Variants in EML6 observed in about 807,000 individuals in gnomAD.
EML6 encodes the protein EMAP like 6.
A neutral mutation model predicts 240.1 loss-of-function variants in EML6; 154 were observed. That is an observed-to-expected ratio of 0.64 (90% confidence interval 0.56 to 0.73). EML6 has a LOEUF of 0.73. Among genes scored for constraint, EML6 ranks in the 30% least tolerant of loss-of-function variants. EML6 has a pLI of 0.00. For synonymous variants in EML6, 1,148 were observed against 899.0 expected (o/e 1.28, Z -4.95); for missense variants, 2,964 against 2,474.6 (o/e 1.20, Z -4.20).
At chr2:54,796,375 A>T (rs899395995) in intron 2 of EML6, among the ~76,000 whole-genome samples, 2 of 152,208 alleles carry the variant, frequency 1.3e-5, no homozygotes, top group Non-Finnish European at 2.9e-5. Context: ...TCTTCAGAGA[A>T]TCCATTTCTT....
At chr2:54,853,926 T>A (rs1670230675) in intron 11 of EML6, 71 bp downstream of exon 11, 1 of 925,036 alleles carries the variant, frequency 1.1e-6, no homozygotes, top group Admixed American at 2.7e-5. Flanking sequence ...TTAAGGCTGA[T>A]CTTCCTGCTG....
At chr2:54,849,614 G>A (rs982390142) in intron 9 of EML6, among the ~76,000 whole-genome samples, 9 of 152,050 alleles carry the variant, frequency 5.9e-5, no homozygotes, top group Non-Finnish European at 1.0e-4. Context: ...TCAGCCTCCC[G>A]ATTAGCTGGG....
intron 28 of EML6, among the ~76,000 whole-genome samples, chr2:54,940,041 G>A (rs991062942): frequency 6.6e-6 from 1 of 152,194 alleles, no homozygotes; most frequent in Non-Finnish European, 1.5e-5. Flanking sequence ...TATGGCATAT[G>A]TTCCTTAGGA....
intron 26 of EML6, among the ~76,000 whole-genome samples, chr2:54,918,218 A>T (rs1242516836): frequency 6.6e-6 from 1 of 152,218 alleles, no homozygotes; most frequent in Non-Finnish European, 1.5e-5. Flanking sequence ...CCCTTGCAGC[A>T]TCATGTCATC....
rs540962661 is a variant in EML6, at chr2:54,928,308, T to G, written c.3676-5T>G. Reference sequence around the variant, plus strand: ...TGGGGTAATAACCAATTTCGGGCTTTACAGGGACAGCACGCAAGATTCAAG... The same window carrying G: ...TGGGGTAATAACCAATTTCGGGCTTGACAGGGACAGCACGCAAGATTCAAG... On this transcript the variant is annotated splice_polypyrimidine_tract_variant and splice_region_variant and intron_variant, in intron 26 of 41. Transcript: ENST00000356458. 13 of 1,551,544 alleles carry G rather than the reference T, an allele frequency of 8.4e-6. No individual in the cohort carries two copies. In the South Asian group the frequency reaches 1.5e-4, roughly 18 times the overall value.
chr2:54,919,352 A>T (rs892636989), intron 26 of EML6, among the ~76,000 whole-genome samples: 1 of 149,056 alleles, frequency 6.7e-6, no homozygotes, highest in African/African-American at 2.5e-5. Context: ...ATTATTTGCT[A>T]CTCCTGTCAT....
At chr2:54,877,770 C>T (rs577882910) in intron 16 of EML6, among the ~76,000 whole-genome samples, 1 of 152,256 alleles carries the variant, frequency 6.6e-6, no homozygotes, top group Non-Finnish European at 1.5e-5. Context: ...TCATCTAATA[C>T]TACAGCCTAG....
At chr2:54,744,997 G>C (rs1262558453) in intron 2 of EML6, among the ~76,000 whole-genome samples, 1 of 151,462 alleles carries the variant, frequency 6.6e-6, no homozygotes, top group Non-Finnish European at 1.5e-5. Flanking sequence ...GAGGGAGTGA[G>C]GGAAAGAAGG....
intron 28 of EML6, among the ~76,000 whole-genome samples, chr2:54,938,732 G>A (rs1300511927): frequency 6.6e-6 from 1 of 152,214 alleles, no homozygotes; most frequent in Admixed American, 6.5e-5. Flanking sequence ...AATGTGATGG[G>A]TTCCTTGGAC....
intron 28 of EML6, among the ~76,000 whole-genome samples, chr2:54,939,495 G>T (rs370723809): frequency 6.6e-6 from 1 of 152,222 alleles, no homozygotes. Context: ...CAGTCCCCAT[G>T]GACGAGGACT....
intron 2 of EML6, among the ~76,000 whole-genome samples, chr2:54,739,024 C>T (rs554357282): frequency 7.2e-5 from 11 of 152,292 alleles, no homozygotes; most frequent in Admixed American, 5.2e-4. Flanking sequence ...GGGCAGATCA[C>T]ATGAGACCAG....
intron 21 of EML6, 135 bp from the exon 22 acceptor site, chr2:54,899,506 G>C (rs1672945587): frequency 4.8e-6 from 4 of 841,392 alleles, no homozygotes; most frequent in Non-Finnish European, 7.0e-6. Context: ...TTTGGTTCAA[G>C]GAAGCTCAAA....
At chr2:54,738,221 CCT>C (rs1279882652) in intron 2 of EML6, among the ~76,000 whole-genome samples, 1 of 152,104 alleles carries the variant, frequency 6.6e-6, no homozygotes, top group Non-Finnish European at 1.5e-5. Context: ...CATAATGGAG[CCT>C]GGCATGTAGA....
In EML6 at chr2:54,871,270, G is replaced by C. The variant is rs1671242133; in HGVS notation, c.2239-230G>C. On this transcript the variant is annotated intron_variant, in intron 15 of 41. Transcript: ENST00000356458. ...ATTAGCCTTAAAGGCCCAGGCATCA[G>C]GTTAGGCTCTGTTGGAACTCTACCT... Among the ~76,000 whole-genome samples the C allele has an allele frequency of 2.6e-5, 4 of 152,210 alleles. No individual in the cohort carries two copies. In the South Asian group the frequency reaches 8.3e-4, roughly 32 times the overall value.
At position 54,928,436 on chromosome 2, in the gene EML6, A is replaced by C; in HGVS notation, c.3799A>C (p.Thr1267Pro). ...GGADTALMIW[T>P]REFVGTQESK... ...CGCCGACACAGCCCTGATGATCTGG[A>C]CCAGGGAGTTTGTGGGGACCCAGGA... Residue 1267 changes from threonine to proline, a missense_variant, in exon 27 of 42, where the codon ACC (threonine) becomes CCC (proline). Thr to Pro is a conservative substitution (Grantham distance 38). Coordinates refer to ENST00000356458, the MANE Select transcript of EML6 (RefSeq NM_001039753.4). The C allele has an allele frequency of 6.4e-7, 1 of 1,551,138 alleles. No individual in the cohort carries two copies. Among genetic ancestry groups the C allele is most frequent in the Non-Finnish European group, 8.7e-7 (1 of 1,146,672 alleles).
chr2:54,732,986 CA>C (rs1318825940), intron 2 of EML6, among the ~76,000 whole-genome samples: 2 of 152,318 alleles, frequency 1.3e-5, no homozygotes, highest in African/African-American at 4.8e-5. Context: ...GGAGTTGTAA[CA>C]GAGGGTGCTC....
intron 32 of EML6, 25 bp downstream of exon 32, chr2:54,954,181 C>T (rs1460431446): frequency 3.2e-6 from 5 of 1,544,180 alleles, no homozygotes; most frequent in East Asian, 2.5e-5. Flanking sequence ...GGCTTTCTGT[C>T]CCTCCAGGGT....
intron 32 of EML6, among the ~76,000 whole-genome samples, chr2:54,955,678 C>T (rs1463056046): frequency 6.6e-6 from 1 of 152,220 alleles, no homozygotes; most frequent in Non-Finnish European, 1.5e-5. Context: ...TGCCCTAGCA[C>T]AGACTCTTGC....
chr2:54,859,365 T>C (rs1670555211), intron 11 of EML6, among the ~76,000 whole-genome samples, 169 bp from the exon 12 acceptor site: 1 of 152,248 alleles, frequency 6.6e-6, no homozygotes, highest in South Asian at 2.1e-4. Flanking sequence ...TTGGAATAAT[T>C]GAGATATATT....
Sources: gnomAD v4.1 joint callset for allele counts (sites outside exome capture counted in the v4.1 genomes callset) on GRCh38, gnomAD v4.1.1 for gene constraint, MANE v1.5 for transcripts, NCBI Gene and HGNC (gene_info 2026-07-23, HGNC 2026-07-21) for gene names.